GALNT9: variants seen among roughly 807,000 people sequenced by gnomAD.
GALNT9 encodes GalNAc transferase 9.
GALNT9 carries 47 observed loss-of-function variants against 63.1 expected under a neutral mutation model. The observed-to-expected ratio is 0.75, with a 90% CI of 0.59 to 0.95. The LOEUF (loss-of-function observed/expected upper bound fraction) is 0.95. Among genes scored for constraint, GALNT9 ranks in the 40% least tolerant of loss-of-function variants. The pLI is 0.00. For missense variants in GALNT9, 829 were observed against 874.8 expected (o/e 0.95, Z 0.66); for synonymous variants, 396 against 365.7 (o/e 1.08, Z -0.94).
intron 6 of GALNT9, among the ~76,000 whole-genome samples, chr12:132,228,478 G>A (rs1399749639): frequency 0.03 from 4,469 of 147,242 alleles, 293 homozygotes; most frequent in African/African-American, 0.11. Context: ...AAGACAGGGC[G>A]GCCAGTCAGC....
intron 6 of GALNT9, among the ~76,000 whole-genome samples, chr12:132,218,177 G>A (rs1877296992): frequency 6.6e-6 from 1 of 152,128 alleles, no homozygotes. Context: ...TTAGTCCCTA[G>A]AACCAGCATG....
rs536153396 is a variant in GALNT9, at chr12:132,236,398, G to C, written c.1077+11512C>G. On this transcript the variant is annotated intron_variant, in intron 6 of 10. Transcript: ENST00000328957. This position sits in a 1 kb window ranked among gnomAD's most constrained non-coding sequence, Gnocchi z 5.6. Reference sequence around the variant, plus strand: ...TGTCTCTGGAGGGGGCCTCGGAACCGGAGGGGAAGACCCCACAGCGTCTGC... The same window carrying C: ...TGTCTCTGGAGGGGGCCTCGGAACCCGAGGGGAAGACCCCACAGCGTCTGC... Among the ~76,000 whole-genome samples, 2 of 152,018 alleles carry C rather than the reference G, an allele frequency of 1.3e-5. No homozygotes were observed. Among genetic ancestry groups the C allele is most frequent in the Non-Finnish European group, 2.9e-5 (2 of 68,000 alleles).
chr12:132,198,427 C>CAGGGCT (rs1875711625), intron 9 of GALNT9, among the ~76,000 whole-genome samples: 1 of 151,136 alleles, frequency 6.6e-6, no homozygotes, highest in African/African-American at 2.4e-5. Flanking sequence ...TGTGATTCTG[C>CAGGGCT]GGGGCTGGGG....
intron 1 of GALNT9, among the ~76,000 whole-genome samples, chr12:132,299,195 T>G (rs1881196237): frequency 7.9e-6 from 1 of 126,364 alleles, no homozygotes; most frequent in Non-Finnish European, 1.6e-5. Flanking sequence ...AACCCACTCC[T>G]GAGATGACTC....
In GALNT9 at chr12:132,238,408, T is replaced by C. The variant is rs1025860565; in HGVS notation, c.1077+9502A>G. ...GCGCACTCATAACCCTACTACGGCT[T>C]CCTGTAAGGGGGAGTGGAGGCCGGG... is the stretch of plus-strand genomic sequence containing the variant. On this transcript the variant is annotated intron_variant, in intron 6 of 10. Coordinates refer to ENST00000328957, the MANE Select transcript of GALNT9 (RefSeq NM_001122636.2). This position sits in a 1 kb window ranked among gnomAD's most constrained non-coding sequence, Gnocchi z 6.5. Among the ~76,000 whole-genome samples the C allele has an allele frequency of 2.0e-5, 3 of 152,034 alleles. No homozygotes were observed. Among genetic ancestry groups the C allele is most frequent in the African/African-American group, 7.2e-5 (3 of 41,390 alleles).
At chr12:132,207,530 G>A (rs1463516455) in intron 6 of GALNT9, among the ~76,000 whole-genome samples, 8 of 152,300 alleles carry the variant, frequency 5.3e-5, no homozygotes, top group Admixed American at 2.0e-4. Context: ...GAGCTTGCGG[G>A]TGGTGCCGAG....
Position 132,252,668 on chromosome 12 carries a change from C to T in GALNT9, c.960-4641G>A, listed in dbSNP as rs1035636142. On this transcript the variant is annotated intron_variant, in intron 5 of 10. Coordinates refer to ENST00000328957, the MANE Select transcript of GALNT9 (RefSeq NM_001122636.2). This position sits in a 1 kb window ranked among gnomAD's most constrained non-coding sequence, Gnocchi z 5.2. ...CCGAGGCAGGCGGATCACCTGAGGT[C>T]GGGAGTTCGAGACCAGCCTGACCAA... Among the ~76,000 whole-genome samples the T allele has an allele frequency of 6.6e-6, 1 of 152,106 alleles. No individual in the cohort carries two copies. The highest frequency in any genetic ancestry group is 2.1e-4 in the South Asian group (1 of 4,808).
rs1555241488 is a variant in GALNT9, at chr12:132,279,171, C to A, written c.419+7079G>T. 6.6e-6 allele frequency: 1 copy of A among 152,290 alleles called. No individual in the cohort carries two copies. Among genetic ancestry groups the A allele is most frequent in the Non-Finnish European group, 1.5e-5 (1 of 68,092 alleles). The allele number at this position is 152,290 out of a possible 1,614,324, so 9.4% of individuals were successfully genotyped here. A position where few individuals can be genotyped will look rare whatever the true frequency, so the allele number is the denominator to read the frequency against. ...CCCCAGCTGCTCTGCTCCCCAGCTC[C>A]CTACAACGCGGATTTATTCTTATTT... On this transcript the variant is annotated intron_variant, in intron 2 of 10. Transcript: ENST00000328957. This position sits in a 1 kb window ranked among gnomAD's most constrained non-coding sequence, Gnocchi z 4.1.
intron 6 of GALNT9, among the ~76,000 whole-genome samples, chr12:132,204,741 CCCTAT>C (rs1177694632): frequency 2.0e-5 from 3 of 152,112 alleles, no homozygotes; most frequent in African/African-American, 7.2e-5. Context: ...TCCTATCCTA[CCCTAT>C]CCTGTGCTGT....
chr12:132,218,025 T>A (rs10794464), intron 6 of GALNT9, among the ~76,000 whole-genome samples: 1 of 150,512 alleles, frequency 6.6e-6, no homozygotes. Context: ...ACCATCTATC[T>A]ATCCATCCTC....
At chr12:132,199,846 G>A (rs1366346198) in intron 8 of GALNT9, among the ~76,000 whole-genome samples, 6 of 152,110 alleles carry the variant, frequency 3.9e-5, no homozygotes, top group Non-Finnish European at 5.9e-5. Context: ...GCCCCGGCTC[G>A]TGAGCAAGTG....
intron 6 of GALNT9, among the ~76,000 whole-genome samples, chr12:132,216,079 CAG>C (rs750145951): frequency 6.2e-5 from 9 of 146,192 alleles, no homozygotes; most frequent in Admixed American, 2.3e-4. Context: ...GAGACGTAGA[CAG>C]AGACACAGAA....
intron 6 of GALNT9, among the ~76,000 whole-genome samples, chr12:132,205,096 A>G (rs1483890601): frequency 6.6e-6 from 1 of 151,796 alleles, no homozygotes; most frequent in African/African-American, 2.4e-5. Flanking sequence ...TCATCCCTGG[A>G]CTCTGGTTCA....
rs905847850 is a variant in GALNT9, at chr12:132,286,102, C to T, written c.419+148G>A. 1.7e-5 allele frequency: 18 copies of T among 1,074,692 alleles called. No homozygotes were observed. Among genetic ancestry groups the T allele is most frequent in the East Asian group, 1.5e-4 (5 of 33,634 alleles). The allele number at this position is 1,074,692 out of a possible 1,614,324, so 66.6% of individuals were successfully genotyped here. On this transcript the variant is annotated intron_variant, in intron 2 of 10. Coordinates refer to ENST00000328957, the MANE Select transcript of GALNT9 (RefSeq NM_001122636.2). The surrounding 1 kb of genome is among the most constrained non-coding windows in gnomAD (Gnocchi z 7.4). ...GCGTGGGGGGCGGTCACTTCCCCGG[C>T]GGGCGTGGGGGGCGGTCACTTCCCT...
chr12:132,216,461 G>A (rs1001731796), intron 6 of GALNT9, among the ~76,000 whole-genome samples: 25 of 152,244 alleles, frequency 1.6e-4, no homozygotes, highest in African/African-American at 6.0e-4. Context: ...CACAGCCGCA[G>A]GCCCAGCGAG....
chr12:132,281,668 G>T (rs1555241684), intron 2 of GALNT9, among the ~76,000 whole-genome samples: 11 of 152,206 alleles, frequency 7.2e-5, no homozygotes. Context: ...GGCCACTTCT[G>T]CCAGACTTTA....
rs782026634 is a variant in GALNT9, at chr12:132,310,724, G to A, written c.238+18242C>T. Among the ~76,000 whole-genome samples the A allele has an allele frequency of 7.2e-5, 11 of 152,258 alleles. No individual in the cohort carries two copies. Among genetic ancestry groups the A allele is most frequent in the South Asian group, 2.1e-4 (1 of 4,816 alleles). On this transcript the variant is annotated intron_variant, in intron 1 of 10. Coordinates refer to ENST00000328957, the MANE Select transcript of GALNT9 (RefSeq NM_001122636.2). The surrounding 1 kb of genome is among the most constrained non-coding windows in gnomAD (Gnocchi z 4.8). The stretch of plus-strand genomic sequence containing the variant: ...AAACAGCACAAATTGAGAGGCGGCC[G>A]GGCACAAGATAATCGGGGAGGAAGG...
chr12:132,290,073 G>A (rs1212158522), intron 1 of GALNT9, among the ~76,000 whole-genome samples: 1 of 152,144 alleles, frequency 6.6e-6, no homozygotes, highest in Non-Finnish European at 1.5e-5. Flanking sequence ...CAGCACCCAC[G>A]TTCCTGGCCA....
chr12:132,219,587 C>T lies in GALNT9; in HGVS notation c.1078-15897G>A, dbSNP rs145882708. On this transcript the variant is annotated intron_variant, in intron 6 of 10. Coordinates refer to ENST00000328957, the MANE Select transcript of GALNT9 (RefSeq NM_001122636.2). ...CAATGAGCAGGAACAGACACTGAAA[C>T]CAGCTCTGATGGACCCCTGGGGCTG... 2.8e-3 allele frequency among the ~76,000 whole-genome samples: 431 copies of T among 152,170 alleles called. 1 individual carries two copies. Among genetic ancestry groups the T allele is most frequent in the African/African-American group, 0.01 (417 of 41,502 alleles).
Sources: allele counts gnomAD v4.1 joint callset (sites outside exome capture counted in the v4.1 genomes callset), GRCh38; gene constraint gnomAD v4.1.1; non-coding constraint Gnocchi (gnomAD v3.1); transcripts MANE v1.5; gene names NCBI Gene and HGNC (gene_info 2026-07-23, HGNC 2026-07-21).